DLG2: variants seen among roughly 807,000 people sequenced by gnomAD.
The protein encoded by DLG2 is disks large homolog 2.
A neutral mutation model predicts 132.5 loss-of-function variants in DLG2; 45 were observed. That is an observed-to-expected ratio of 0.34 (90% confidence interval 0.27 to 0.44). The LOEUF is 0.44. Among genes scored for constraint, DLG2 ranks in the 20% least tolerant of loss-of-function variants. DLG2 has a pLI of 1.00. For synonymous variants in DLG2, 424 were observed against 419.6 expected (o/e 1.01, Z -0.13); for missense variants, 1,045 against 1,196.9 (o/e 0.87, Z 1.87).
rs533766181 is a variant in DLG2, at chr11:84,388,264, C to T, written c.520-136973G>A. The stretch of plus-strand genomic sequence containing the variant: ...CATTAATTACCAAGAGGCTACAGAT[C>T]CTATTGCGTGATCTAAACTAAATCT... On this transcript the variant is annotated intron_variant, in intron 7 of 27. Transcript: ENST00000376104. 3.3e-5 allele frequency among the ~76,000 whole-genome samples: 5 copies of T among 152,188 alleles called. No homozygotes were observed. In the East Asian group the frequency reaches 9.7e-4, roughly 29 times the overall value.
At chr11:84,895,845 T>A (rs779771789) in intron 6 of DLG2, among the ~76,000 whole-genome samples, 27 of 152,264 alleles carry the variant, frequency 1.8e-4, no homozygotes, top group Non-Finnish European at 3.4e-4. Flanking sequence ...TTAAGTGACA[T>A]CTTTGTATGA....
intron 6 of DLG2, among the ~76,000 whole-genome samples, chr11:85,109,097 T>C (rs1020613170): frequency 2.0e-5 from 3 of 152,010 alleles, no homozygotes; most frequent in African/African-American, 7.2e-5. Context: ...GAATCAAATG[T>C]CTTCCTCCTG....
At chr11:85,491,641 C>A (rs957735415) in intron 3 of DLG2, among the ~76,000 whole-genome samples, 1 of 151,896 alleles carries the variant, frequency 6.6e-6, no homozygotes, top group Non-Finnish European at 1.5e-5. Flanking sequence ...TTATTTAAAA[C>A]CTACTTACAA....
At chr11:83,971,874 C>A (rs1045466858) in intron 12 of DLG2, among the ~76,000 whole-genome samples, 1 of 152,160 alleles carries the variant, frequency 6.6e-6, no homozygotes, top group African/African-American at 2.4e-5. Context: ...AAAATAATAA[C>A]TATTAATAAA....
intron 6 of DLG2, among the ~76,000 whole-genome samples, chr11:84,660,777 T>A (rs994872733): frequency 6.6e-6 from 1 of 152,154 alleles, no homozygotes; most frequent in Non-Finnish European, 1.5e-5. Flanking sequence ...CAATAGGAAG[T>A]ACACTGCAAA....
intron 11 of DLG2, among the ~76,000 whole-genome samples, chr11:84,003,405 T>C (rs12802882): frequency 0.022 from 3,369 of 152,256 alleles, 68 homozygotes; most frequent in Middle Eastern, 0.034. Context: ...TATTAGTCCA[T>C]TTTCATACTG....
intron 11 of DLG2, among the ~76,000 whole-genome samples, chr11:84,025,269 T>C (rs1468068204): frequency 2.0e-5 from 3 of 152,054 alleles, no homozygotes; most frequent in Non-Finnish European, 2.9e-5. Flanking sequence ...ACATCTTATG[T>C]GGATGGCAGC....
intron 6 of DLG2, among the ~76,000 whole-genome samples, chr11:84,756,752 T>C (rs11234158): frequency 0.053 from 8,083 of 152,130 alleles, 645 homozygotes; most frequent in African/African-American, 0.18. Context: ...TTTTTTGTGA[T>C]TTTTTTTAAT....
intron 18 of DLG2, among the ~76,000 whole-genome samples, chr11:83,721,895 T>C (rs1412803049): frequency 6.6e-6 from 1 of 152,116 alleles, no homozygotes; most frequent in Non-Finnish European, 1.5e-5. Context: ...ATTGAAGAAC[T>C]CTTGTAGGTA....
intron 6 of DLG2, among the ~76,000 whole-genome samples, chr11:84,578,928 G>A (rs557796776): frequency 3.9e-5 from 6 of 152,026 alleles, no homozygotes; most frequent in African/African-American, 7.2e-5. Flanking sequence ...CATGGTGGCC[G>A]GTCTTTCCCA....
intron 7 of DLG2, among the ~76,000 whole-genome samples, chr11:84,371,962 T>C (rs1443506818): frequency 6.6e-6 from 1 of 152,212 alleles, no homozygotes; most frequent in Non-Finnish European, 1.5e-5. Flanking sequence ...TATTTTAGTA[T>C]GTGATTTTAA....
chr11:85,546,702 T>G (rs1043097273), intron 3 of DLG2, among the ~76,000 whole-genome samples: 7 of 152,104 alleles, frequency 4.6e-5, no homozygotes, highest in African/African-American at 1.7e-4. Context: ...ATATTTAGGA[T>G]AGTTAGCTCT....
At chr11:85,504,089 T>A (rs949107088) in intron 3 of DLG2, among the ~76,000 whole-genome samples, 1 of 152,230 alleles carries the variant, frequency 6.6e-6, no homozygotes, top group Non-Finnish European at 1.5e-5. Flanking sequence ...TTTGTTTAAG[T>A]TCTTTGTAGA....
chr11:85,334,743 C>G (rs2082010964), intron 3 of DLG2, among the ~76,000 whole-genome samples: 1 of 152,078 alleles, frequency 6.6e-6, no homozygotes, highest in Non-Finnish European at 1.5e-5. Flanking sequence ...TTTGAGATAT[C>G]TTCTTGGTAT....
In DLG2 at chr11:84,707,915, C is replaced by T. The variant is rs190245690; in HGVS notation, c.358-173184G>A. Among the ~76,000 whole-genome samples the T allele has an allele frequency of 2.0e-5, 3 of 151,914 alleles. No homozygotes were observed. The East Asian group carries it at 5.9e-4, about 30-fold the overall frequency. ...TTAGTGCTTTGGAAGCATGGTCAGT[C>T]CCCGGAAAATGCTCAAAGAGGGACA... On this transcript the variant is annotated intron_variant, in intron 6 of 27. Coordinates refer to ENST00000376104, the MANE Select transcript of DLG2 (RefSeq NM_001142699.3).
chr11:85,127,509 T>C (rs2075271308), intron 5 of DLG2, among the ~76,000 whole-genome samples: 1 of 152,140 alleles, frequency 6.6e-6, no homozygotes, highest in African/African-American at 2.4e-5. Context: ...ATTTCTGTAA[T>C]TGGTTGTTTT....
intron 9 of DLG2, among the ~76,000 whole-genome samples, chr11:84,139,030 A>C (rs189530412): frequency 2.6e-5 from 4 of 152,150 alleles, no homozygotes; most frequent in Non-Finnish European, 4.4e-5. Flanking sequence ...CAGCAAAGTG[A>C]ATAAGAAAGA....
intron 6 of DLG2, among the ~76,000 whole-genome samples, chr11:84,819,644 AT>A (rs1479631924): frequency 6.6e-6 from 1 of 151,892 alleles, no homozygotes; most frequent in East Asian, 1.9e-4. Context: ...CATCAACTAA[AT>A]TACCCATTGA....
chr11:83,846,974 T>C (rs143852878), intron 16 of DLG2, among the ~76,000 whole-genome samples: 4,630 of 151,186 alleles, frequency 0.031, 120 homozygotes, highest in South Asian at 0.083. Context: ...TTACCCCTCT[T>C]TTTCTTTTAT....
Sources: gnomAD v4.1 joint callset for allele counts (sites outside exome capture counted in the v4.1 genomes callset) on GRCh38, gnomAD v4.1.1 for gene constraint, MANE v1.5 for transcripts, NCBI Gene and HGNC (gene_info 2026-07-23, HGNC 2026-07-21) for gene names.